The following OTC variants were observed in gnomAD, a reference collection of about 807,000 sequenced individuals.
OTC encodes ornithine transcarbamylase, mitochondrial.
In OTC, 3 loss-of-function variants were observed where a neutral mutation model predicts 30.3. That is an observed-to-expected ratio of 0.10 (90% confidence interval 0.05 to 0.26). The LOEUF is 0.26. OTC is among the 10% of genes least tolerant of loss of function. OTC has a pLI of 1.00. For missense variants in OTC, 194 were observed against 260.3 expected (o/e 0.75, Z 1.75); for synonymous variants, 111 against 99.7 (o/e 1.11, Z -0.67).
intron 3 of OTC, among the ~76,000 whole-genome samples, chrX:38,373,220 C>T (rs962528582): frequency 8.9e-6 from 1 of 112,209 alleles, no homozygotes; most frequent in Non-Finnish European, 1.9e-5. Context: ...CTCATTCACC[C>T]AAGGGTAACT....
intron 3 of OTC, among the ~76,000 whole-genome samples, chrX:38,371,972 C>T (rs186792604): frequency 9.0e-6 from 1 of 110,955 alleles, no homozygotes; most frequent in Non-Finnish European, 1.9e-5. Context: ...TTGTTTTTAC[C>T]GTTAGTACTT....
chrX:38,419,724 T>G (rs2068585946), intron 9 of OTC, among the ~76,000 whole-genome samples: 1 of 111,749 alleles, frequency 8.9e-6, no homozygotes, highest in Non-Finnish European at 1.9e-5. Flanking sequence ...TAACAGTTTT[T>G]TGGTGGACAT....
At chrX:38,333,778 G>A in the OTC span, among the ~76,000 whole-genome samples, 3 of 112,628 alleles carry the variant, frequency 2.7e-5, no homozygotes, top group Non-Finnish European at 5.6e-5. Flanking sequence ...CAATGCAGCT[G>A]CCATCGCTGT....
chrX:38,385,741 C>A (rs980036407), intron 4 of OTC, among the ~76,000 whole-genome samples: 2 of 111,961 alleles, frequency 1.8e-5, no homozygotes, highest in Non-Finnish European at 3.8e-5. Context: ...AAAATCAGAA[C>A]AAGGAATAAA....
chrX:38,369,896 T>C lies in OTC; in HGVS notation c.298+19T>C. 1 of 1,089,237 alleles carries C rather than the reference T, an allele frequency of 9.2e-7. No individual in the cohort carries two copies. The highest frequency in any genetic ancestry group is 1.3e-6 in the Non-Finnish European group (1 of 784,121). 89.8% of individuals were successfully genotyped at this position (1,089,237 alleles called of 1,213,427 possible). A position where few individuals can be genotyped will look rare whatever the true frequency, so the allele number is the denominator to read the frequency against. ...GAAACAGGTAAGTCCACTGCCAAAT[T>C]CACACTTGTGTTGAAGAGAGGGATT... On this transcript the variant is annotated intron_variant, in intron 3 of 9. Coordinates refer to ENST00000039007, the MANE Select transcript of OTC (RefSeq NM_000531.6).
At chrX:38,370,800 C>A (rs1350340021) in intron 3 of OTC, among the ~76,000 whole-genome samples, 2 of 111,006 alleles carry the variant, frequency 1.8e-5, no homozygotes, top group African/African-American at 6.6e-5. Flanking sequence ...TGTCTGTGAG[C>A]CTAATATTTC....
chrX:38,332,504 T>TTATATA, the OTC span, among the ~76,000 whole-genome samples: 151 of 39,352 alleles, frequency 3.8e-3, 6 homozygotes, highest in African/African-American at 7.2e-3. Flanking sequence ...GCCCTAGATT[T>TTATATA]TATATATATA....
chrX:38,360,836 A>T (rs1236413504), intron 1 of OTC, among the ~76,000 whole-genome samples: 1 of 112,401 alleles, frequency 8.9e-6, no homozygotes, highest in Non-Finnish European at 1.9e-5. Context: ...CATGTAAATA[A>T]CACATACACA....
the OTC span, among the ~76,000 whole-genome samples, chrX:38,338,472 C>A: frequency 2.7e-5 from 3 of 111,725 alleles, no homozygotes; most frequent in African/African-American, 9.8e-5. Flanking sequence ...TTTGTGACAC[C>A]GGTTTCTGAA....
downstream of OTC, among the ~76,000 whole-genome samples, chrX:38,422,788 C>T (rs1286805060): frequency 9.0e-6 from 1 of 111,582 alleles, no homozygotes; most frequent in Non-Finnish European, 1.9e-5. Context: ...GAAAATTCAC[C>T]CTTAACTTTT....
intron 3 of OTC, among the ~76,000 whole-genome samples, chrX:38,370,373 A>G (rs1229381487): frequency 8.9e-6 from 1 of 111,758 alleles, no homozygotes; most frequent in African/African-American, 3.3e-5. Flanking sequence ...CTGAATGTCA[A>G]GACATGTAGG....
intron 3 of OTC, among the ~76,000 whole-genome samples, chrX:38,375,581 G>T (rs2068343134): frequency 8.9e-6 from 1 of 111,734 alleles, no homozygotes; most frequent in South Asian, 3.8e-4. Flanking sequence ...GGGTAAGAGA[G>T]AGATGTCAAG....
At chrX:38,369,967 G>A (rs1430674604) in intron 3 of OTC, 90 bp downstream of exon 3, 4 of 568,322 alleles carry the variant, frequency 7.0e-6, no homozygotes, top group Non-Finnish European at 1.2e-5. Flanking sequence ...GGATTTGTCT[G>A]CCTCTAGCAA....
chrX:38,364,926 A>G (rs1161967049), intron 1 of OTC, among the ~76,000 whole-genome samples: 4 of 112,398 alleles, frequency 3.6e-5, no homozygotes, highest in Non-Finnish European at 5.6e-5. Flanking sequence ...AAAAATATCT[A>G]TTCACCCACT....
At chrX:38,401,595 T>A (rs1489905609) in intron 5 of OTC, among the ~76,000 whole-genome samples, 167 bp downstream of exon 5, 1 of 112,270 alleles carries the variant, frequency 8.9e-6, no homozygotes, top group Admixed American at 9.5e-5. Context: ...CAGGACATTG[T>A]TAAAAACAGA....
chrX:38,355,571 T>TA (rs2068236434), intron 1 of OTC, among the ~76,000 whole-genome samples: 1 of 112,295 alleles, frequency 8.9e-6, no homozygotes, highest in African/African-American at 3.2e-5. Context: ...CAGACCTCTG[T>TA]AAGGGCTCAC....
rs7057582 is a variant in OTC, at chrX:38,401,631, C to A, written c.540+203C>A. On this transcript the variant is annotated intron_variant, in intron 5 of 9. Transcript: ENST00000039007. ...CTCTAAGATCGCTCTGCACTCAACC[C>A]TATTCCCAAACCCTTTTAGCCCATA... 0.017 allele frequency among the ~76,000 whole-genome samples: 1,899 copies of A among 111,985 alleles called. 34 individuals are homozygous for A. Among genetic ancestry groups the A allele is most frequent in the African/African-American group, 0.057 (1,748 of 30,851 alleles).
At chrX:38,383,615 T>C (rs780459156) in intron 4 of OTC, among the ~76,000 whole-genome samples, 284 of 110,148 alleles carry the variant, frequency 2.6e-3, no homozygotes, top group African/African-American at 8.7e-3. Flanking sequence ...CTGACCAACA[T>C]GGAGAAACCC....
chrX:38,374,052 C>T (rs1315693783), intron 3 of OTC, among the ~76,000 whole-genome samples: 2 of 110,411 alleles, frequency 1.8e-5, no homozygotes, highest in African/African-American at 6.6e-5. Flanking sequence ...TAGTCCCAGC[C>T]AATCGGGAGG....
Sources: allele counts gnomAD v4.1 joint callset (sites outside exome capture counted in the v4.1 genomes callset), GRCh38; gene constraint gnomAD v4.1.1; transcripts MANE v1.5; gene names NCBI Gene and HGNC (gene_info 2026-07-23, HGNC 2026-07-21).